The following EPHA6 variants were observed in gnomAD, a reference collection of about 807,000 sequenced individuals.
The protein encoded by EPHA6 is ephrin type-A receptor 6.
A neutral mutation model predicts 112.0 loss-of-function variants in EPHA6; 50 were observed. That is an observed-to-expected ratio of 0.45 (90% confidence interval 0.36 to 0.56). The LOEUF is 0.56. Ranked by LOEUF, EPHA6 falls within the 20% of genes least tolerant of loss-of-function variation. The pLI is 0.00. For synonymous variants in EPHA6, 529 were observed against 490.7 expected (o/e 1.08, Z -1.03); for missense variants, 1,280 against 1,417.4 (o/e 0.90, Z 1.56).
chr3:96,862,992 G>A (rs911055134), intron 1 of EPHA6, among the ~76,000 whole-genome samples: 5 of 151,892 alleles, frequency 3.3e-5, no homozygotes, highest in Non-Finnish European at 7.4e-5. Flanking sequence ...TAGGAAAATT[G>A]TATGCAGTTA....
intron 3 of EPHA6, among the ~76,000 whole-genome samples, chr3:97,016,465 ATAGT>A (rs1237959738): frequency 2.4e-4 from 37 of 152,306 alleles, no homozygotes; most frequent in African/African-American, 7.0e-4. Context: ...CTAATAATAA[ATAGT>A]TATTTACATT....
intron 12 of EPHA6, among the ~76,000 whole-genome samples, chr3:97,595,576 T>C (rs561715636): frequency 9.2e-5 from 14 of 151,814 alleles, no homozygotes; most frequent in African/African-American, 3.4e-4. Context: ...TCCCGGTACG[T>C]GGAAGTTGCA....
chr3:97,637,239 CT>C (rs1246337555), intron 13 of EPHA6, among the ~76,000 whole-genome samples: 4 of 152,142 alleles, frequency 2.6e-5, no homozygotes, highest in Non-Finnish European at 5.9e-5. Flanking sequence ...CTAAAATTGT[CT>C]CATTTTTCTG....
intron 15 of EPHA6, among the ~76,000 whole-genome samples, chr3:97,734,253 A>T (rs1280483042): frequency 1.3e-5 from 2 of 151,932 alleles, no homozygotes; most frequent in Non-Finnish European, 2.9e-5. Flanking sequence ...ACTATCAAGC[A>T]CTCCTAGAGT....
intron 3 of EPHA6, among the ~76,000 whole-genome samples, chr3:97,027,090 A>G (rs997993788): frequency 6.6e-6 from 1 of 152,220 alleles, no homozygotes; most frequent in Non-Finnish European, 1.5e-5. Context: ...CATGTACACC[A>G]TGGAATACAA....
intron 11 of EPHA6, among the ~76,000 whole-genome samples, chr3:97,577,773 CTT>C (rs2093400820): frequency 6.6e-6 from 1 of 152,146 alleles, no homozygotes; most frequent in African/African-American, 2.4e-5. Flanking sequence ...AAATATCACT[CTT>C]AATCTTATCT....
chr3:97,222,138 C>T (rs1351289328), intron 3 of EPHA6, among the ~76,000 whole-genome samples: 1 of 151,888 alleles, frequency 6.6e-6, no homozygotes, highest in East Asian at 1.9e-4. Context: ...CCATCTCTGG[C>T]TTGTGGCAGT....
At chr3:97,148,608 C>G (rs896108267) in intron 3 of EPHA6, among the ~76,000 whole-genome samples, 3 of 152,014 alleles carry the variant, frequency 2.0e-5, no homozygotes, top group African/African-American at 7.2e-5. Flanking sequence ...TATGATCACA[C>G]TACTGTGTTA....
chr3:97,679,301 A>G (rs2031665004), intron 14 of EPHA6, among the ~76,000 whole-genome samples: 1 of 152,154 alleles, frequency 6.6e-6, no homozygotes, highest in Non-Finnish European at 1.5e-5. Flanking sequence ...CTTGGAACCC[A>G]GAGGGCGTCC....
intron 5 of EPHA6, among the ~76,000 whole-genome samples, chr3:97,351,433 G>C (rs2083809757): frequency 6.6e-6 from 1 of 152,166 alleles, no homozygotes; most frequent in South Asian, 2.1e-4. Flanking sequence ...TGTTACAGAA[G>C]AAAATTATTA....
chr3:97,108,752 G>A (rs1399579351), intron 3 of EPHA6, among the ~76,000 whole-genome samples: 1 of 152,064 alleles, frequency 6.6e-6, no homozygotes, highest in African/African-American at 2.4e-5. Flanking sequence ...GACATTTCTG[G>A]CACTGCTGTC....
chr3:97,363,220 ATATATATATATATATAT>A lies in EPHA6; in HGVS notation c.1607-41929_1607-41913del, dbSNP rs1337916235. ...TATATATATATATATATATATATAT[ATATATATATATATATAT>A]AAATCTCAGATGCTACAAAAACTAA... On this transcript the variant is annotated intron_variant, in intron 5 of 17. Transcript: ENST00000389672. Among the ~76,000 whole-genome samples the A allele has an allele frequency of 7.5e-4, 52 of 69,348 alleles. 3 individuals carry two copies. The highest frequency in any genetic ancestry group is 1.3e-3 in the Non-Finnish European group (37 of 27,758). 45.5% of individuals were successfully genotyped at this position (69,348 alleles called of 152,430 possible).
At chr3:97,552,734 T>C (rs553249790) in intron 11 of EPHA6, among the ~76,000 whole-genome samples, 1 of 152,286 alleles carries the variant, frequency 6.6e-6, no homozygotes, top group African/African-American at 2.4e-5. Context: ...TTTTGTAATT[T>C]CCAAATTTTG....
chr3:97,248,970 C>T (rs1472829432), intron 5 of EPHA6, among the ~76,000 whole-genome samples: 1 of 151,620 alleles, frequency 6.6e-6, no homozygotes, highest in Non-Finnish European at 1.5e-5. Context: ...CTGAACATCT[C>T]TCACAGTCCT....
intron 6 of EPHA6, among the ~76,000 whole-genome samples, chr3:97,410,932 TG>T (rs1320802574): frequency 6.6e-6 from 1 of 152,132 alleles, no homozygotes; most frequent in Non-Finnish European, 1.5e-5. Flanking sequence ...TTGTAGATGT[TG>T]TTGATCTGTA....
chr3:97,503,875 C>T (rs2092183643), intron 10 of EPHA6, among the ~76,000 whole-genome samples: 1 of 151,974 alleles, frequency 6.6e-6, no homozygotes, highest in Non-Finnish European at 1.5e-5. Flanking sequence ...GTTATTACTG[C>T]TTTTTTATAA....
At chr3:96,935,761 A>C (rs942194473) in intron 2 of EPHA6, among the ~76,000 whole-genome samples, 1 of 147,858 alleles carries the variant, frequency 6.8e-6, no homozygotes, top group Non-Finnish European at 1.5e-5. Context: ...CATTATATAT[A>C]TGTGTGTGTG....
At chr3:97,236,104 C>A (rs987041882) in intron 4 of EPHA6, among the ~76,000 whole-genome samples, 8 of 151,664 alleles carry the variant, frequency 5.3e-5, no homozygotes, top group African/African-American at 1.9e-4. Context: ...GAGGACACTC[C>A]ACACTATCAG....
At chr3:97,578,833 G>A (rs1228352519) in intron 11 of EPHA6, among the ~76,000 whole-genome samples, 1 of 152,094 alleles carries the variant, frequency 6.6e-6, no homozygotes, top group Non-Finnish European at 1.5e-5. Context: ...TTTTATAACA[G>A]TCTTATACAC....
Sources: gnomAD v4.1 joint callset for allele counts (sites outside exome capture counted in the v4.1 genomes callset) on GRCh38, gnomAD v4.1.1 for gene constraint, MANE v1.5 for transcripts, NCBI Gene and HGNC (gene_info 2026-07-23, HGNC 2026-07-21) for gene names.